Variants in COL24A1 observed in about 807,000 individuals in gnomAD.
The protein encoded by COL24A1 is collagen type XXIV alpha 1 chain.
Under a neutral mutation model 253.9 loss-of-function variants are expected in COL24A1, and 224 were observed. The observed-to-expected ratio is 0.88, with a 90% CI of 0.79 to 0.99. COL24A1 has a LOEUF of 0.99. Ranked by LOEUF, COL24A1 falls within the 50% of genes least tolerant of loss-of-function variation. The pLI, the probability that COL24A1 is intolerant of heterozygous loss-of-function variation, is 0.00. For synonymous variants in COL24A1, 685 were observed against 673.7 expected, an observed-to-expected ratio of 1.02 and a Z score of -0.26; for missense variants, 2,131 against 2,068.5, an observed-to-expected ratio of 1.03 and a Z score of -0.59.
chr1:85,745,268 T>C (rs1237071886), intron 56 of COL24A1, among the ~76,000 whole-genome samples, 173 bp downstream of exon 56: 3 of 152,136 alleles, frequency 2.0e-5, no homozygotes, highest in African/African-American at 7.2e-5. Flanking sequence ...CGCATATATT[T>C]CTGTTTAATT....
At position 86,125,365 on chromosome 1, in the gene COL24A1, G is replaced by T; in HGVS notation, c.971C>A (p.Ala324Asp). Reference protein sequence around the residue: ...LSSLQSGNVSAVDLTNHGIQA... With the variant: ...LSSLQSGNVSDVDLTNHGIQA... ...AATCCCATGGTTTGTGAGATCCACAGCAGAGACATTTCCTGACTGAAGAGA... is the reference window on the plus strand; with the variant it reads ...AATCCCATGGTTTGTGAGATCCACATCAGAGACATTTCCTGACTGAAGAGA... The change falls in exon 3 of 60, where the codon GCT becomes GAT. Residue 324 changes from alanine (A) to aspartate (D), a missense_variant. Physicochemically the swap from Ala to Asp is moderately radical, Grantham distance 126 (BLOSUM62 -2). Transcript: ENST00000370571. 1 of 1,613,658 alleles carries T rather than the reference G, an allele frequency of 6.2e-7. No individual in the cohort carries two copies. Among genetic ancestry groups the T allele is most frequent in the Non-Finnish European group, 8.5e-7 (1 of 1,179,810 alleles).
chr1:86,043,475 C>T (rs1255969583), intron 12 of COL24A1, among the ~76,000 whole-genome samples: 2 of 152,104 alleles, frequency 1.3e-5, no homozygotes, highest in African/African-American at 4.8e-5. Flanking sequence ...AATATTGCAT[C>T]TACACAGCAG....
intron 52 of COL24A1, 146 bp from the exon 53 acceptor site, chr1:85,775,855 C>T (rs1161486374): frequency 4.8e-6 from 3 of 622,846 alleles, no homozygotes; most frequent in East Asian, 2.8e-5. Flanking sequence ...TGTATAAGTT[C>T]TAGTGTTCTT....
chr1:85,978,707 C>G (rs1692941972), intron 20 of COL24A1, among the ~76,000 whole-genome samples: 1 of 152,014 alleles, frequency 6.6e-6, no homozygotes, highest in Non-Finnish European at 1.5e-5. Flanking sequence ...ATTACTAGAC[C>G]TAAGAAATGA....
At chr1:86,025,374 G>A (rs17405880) in intron 14 of COL24A1, among the ~76,000 whole-genome samples, 13,210 of 152,154 alleles carry the variant, frequency 0.087, 704 homozygotes, top group Middle Eastern at 0.19. Context: ...GAGAGACCCA[G>A]AGGATAAGTT....
At chr1:85,775,626 ATAGC>A (rs1464353174) in intron 53 of COL24A1, 44 bp downstream of exon 53, 1 of 1,490,844 alleles carries the variant, frequency 6.7e-7, no homozygotes. Flanking sequence ...CATGGAGCTT[ATAGC>A]CTAGTGTCAG....
At chr1:85,989,950 T>C (rs1694094382) in intron 19 of COL24A1, among the ~76,000 whole-genome samples, 1 of 152,174 alleles carries the variant, frequency 6.6e-6, no homozygotes, top group Non-Finnish European at 1.5e-5. Context: ...TCCCTTAATG[T>C]AGTGTTTTGG....
At chr1:86,092,949 T>C (rs1456814690) in intron 5 of COL24A1, among the ~76,000 whole-genome samples, 1 of 152,034 alleles carries the variant, frequency 6.6e-6, no homozygotes, top group Non-Finnish European at 1.5e-5. Context: ...TATCAAAATA[T>C]TTTTATGATG....
chr1:85,776,141 G>T lies in COL24A1; in HGVS notation c.4339-432C>A, dbSNP rs377746545. ...TTGCAAATTTTAATATGTTGTATAT[G>T]TTTCCGTGCAGTTCAAAATATTTTC... On this transcript the variant is annotated intron_variant, in intron 52 of 59. Transcript: ENST00000370571. Among the ~76,000 whole-genome samples, 13 of 152,182 alleles carry T rather than the reference G, an allele frequency of 8.5e-5. No homozygotes were observed. The East Asian group carries it at 2.3e-3, about 27-fold the overall frequency.
At chr1:86,026,848 G>A (rs1698079806) in intron 14 of COL24A1, among the ~76,000 whole-genome samples, 2 of 152,146 alleles carry the variant, frequency 1.3e-5, no homozygotes, top group South Asian at 2.1e-4. Flanking sequence ...CTTATTGAAT[G>A]GCTTTTATCA....
At position 86,068,994 on chromosome 1, in the gene COL24A1, G is replaced by C. The variant is rs556302764; in HGVS notation, c.1708-5235C>G. Among the ~76,000 whole-genome samples the C allele has an allele frequency of 2.0e-5, 3 of 152,282 alleles. No individual in the cohort carries two copies. In the South Asian group the frequency reaches 6.2e-4, roughly 32 times the overall value. ...ATGATACCCAGTGAGTGTGCTGTGG[G>C]CCTTGGGCTCTGAAACATGCTGGCC... On this transcript the variant is annotated intron_variant, in intron 7 of 59. Coordinates refer to ENST00000370571, the MANE Select transcript of COL24A1 (RefSeq NM_152890.7).
intron 5 of COL24A1, among the ~76,000 whole-genome samples, chr1:86,107,600 T>A (rs1424643428): frequency 1.3e-5 from 2 of 151,924 alleles, no homozygotes; most frequent in Admixed American, 6.5e-5. Flanking sequence ...AGTGGCCCGA[T>A]CTTGGCTCAC....
At chr1:86,069,878 A>T (rs750040216) in intron 7 of COL24A1, among the ~76,000 whole-genome samples, 1 of 152,214 alleles carries the variant, frequency 6.6e-6, no homozygotes, top group Admixed American at 6.5e-5. Flanking sequence ...AGCCCAGACT[A>T]TGAAGACTAC....
At chr1:86,111,355 C>T (rs931915818) in intron 5 of COL24A1, among the ~76,000 whole-genome samples, 2 of 152,174 alleles carry the variant, frequency 1.3e-5, no homozygotes, top group Non-Finnish European at 2.9e-5. Flanking sequence ...CCAATCAGTG[C>T]TCTGTGTCTA....
intron 5 of COL24A1, among the ~76,000 whole-genome samples, chr1:86,099,217 G>A (rs1704244240): frequency 6.6e-6 from 1 of 152,128 alleles, no homozygotes; most frequent in Non-Finnish European, 1.5e-5. Flanking sequence ...TAATGAAAAT[G>A]TAACATATCA....
chr1:85,746,216 C>T (rs566896563), intron 55 of COL24A1, among the ~76,000 whole-genome samples: 5 of 152,128 alleles, frequency 3.3e-5, no homozygotes, highest in Middle Eastern at 3.4e-3. Flanking sequence ...TAATTTCTTT[C>T]AGTCATTGTA....
intron 43 of COL24A1, among the ~76,000 whole-genome samples, chr1:85,828,069 A>C (rs1412582651): frequency 6.6e-6 from 1 of 151,990 alleles, no homozygotes; most frequent in Non-Finnish European, 1.5e-5. Context: ...AGTGCTATAA[A>C]TTTCCCTCTA....
At chr1:85,833,212 C>G (rs978917999) in intron 43 of COL24A1, among the ~76,000 whole-genome samples, 1 of 152,018 alleles carries the variant, frequency 6.6e-6, no homozygotes, top group Non-Finnish European at 1.5e-5. Flanking sequence ...ATTTTCGCAA[C>G]CTACTCATCT....
chr1:85,820,529 G>A (rs1673515254), intron 45 of COL24A1, among the ~76,000 whole-genome samples: 2 of 152,214 alleles, frequency 1.3e-5, no homozygotes, highest in Non-Finnish European at 2.9e-5. Flanking sequence ...AATAGCAACT[G>A]TGGGCCAAAA....
Sources: allele counts gnomAD v4.1 joint callset (sites outside exome capture counted in the v4.1 genomes callset), GRCh38; gene constraint gnomAD v4.1.1; transcripts MANE v1.5; gene names NCBI Gene and HGNC (gene_info 2026-07-23, HGNC 2026-07-21).